The following KNL1 variants were observed in gnomAD, a reference collection of about 807,000 sequenced individuals.
KNL1 encodes outer kinetochore KNL1 complex subunit KNL1.
KNL1 carries 66 observed loss-of-function variants against 201.3 expected under a neutral mutation model. The observed-to-expected ratio is 0.33, with a 90% CI of 0.27 to 0.40. The LOEUF is 0.40. KNL1 is among the 10% of genes least tolerant of loss of function. KNL1 has a pLI of 1.00. For missense variants in KNL1, 2,815 were observed against 2,690.5 expected (o/e 1.05, Z -1.02); for synonymous variants, 895 against 899.2 (o/e 1.00, Z 0.08).
rs758847824 is a variant in KNL1, at chr15:40,624,256, A to G, written c.3992A>G (p.Asn1331Ser). ...LLCDKDEEKA[N>S]YCPVQNDLAY... Reference sequence around the variant, plus strand: ...TGTGATAAAGATGAGGAAAAAGCCAATTATTGCCCAGTGCAAAATGATCTT... The same window carrying G: ...TGTGATAAAGATGAGGAAAAAGCCAGTTATTGCCCAGTGCAAAATGATCTT... Residue 1331 changes from asparagine (N) to serine (S), a missense_variant, in exon 10 of 26, where the codon AAT becomes AGT. Coordinates refer to ENST00000399668, the MANE Select transcript of KNL1 (RefSeq NM_144508.5). 7 of 1,614,052 alleles carry G rather than the reference A, an allele frequency of 4.3e-6. No individual in the cohort carries two copies. The highest frequency in any genetic ancestry group is 5.9e-6 in the Non-Finnish European group (7 of 1,179,956).
intron 1 of KNL1, among the ~76,000 whole-genome samples, chr15:40,599,986 G>C (rs1337789892): frequency 1.3e-5 from 2 of 148,854 alleles, no homozygotes; most frequent in Non-Finnish European, 3.0e-5. Flanking sequence ...ACCCAATTTT[G>C]CATTTCTGCA....
chr15:40,625,543 A>G lies in KNL1; in HGVS notation c.5279A>G (p.Gln1760Arg), dbSNP rs751080305. ...AAAATGGGAAAAACTTGCAATAGCC[A>G]AAAAAGAACGTGGGTACAAGAAGAA... ...ENKMGKTCNS[Q>R]KRTWVQEEED... The change falls in exon 10 of 26, where the codon CAA becomes CGA. Residue 1760 changes from glutamine to arginine, a missense_variant. Gln to Arg is a conservative substitution (Grantham distance 43). Coordinates refer to ENST00000399668, the MANE Select transcript of KNL1 (RefSeq NM_144508.5). 10 of 1,607,876 alleles carry G rather than the reference A, an allele frequency of 6.2e-6. No homozygotes were observed. In the African/African-American group the frequency reaches 1.3e-4, roughly 22 times the overall value.
intron 12 of KNL1, among the ~76,000 whole-genome samples, chr15:40,629,032 C>CA (rs1166993884): frequency 4.0e-5 from 6 of 151,180 alleles, no homozygotes; most frequent in Non-Finnish European, 5.9e-5. Context: ...GGTCTTGTCT[C>CA]AAAAAAAGAG....
At chr15:40,643,515 C>T (rs11858522) in intron 14 of KNL1, among the ~76,000 whole-genome samples, 58,823 of 151,934 alleles carry the variant, frequency 0.39, 11,594 homozygotes, top group Middle Eastern at 0.47. Flanking sequence ...CGTGGTGGCA[C>T]GCGCCTGTAG....
intron 8 of KNL1, among the ~76,000 whole-genome samples, chr15:40,617,737 G>A (rs1311126727): frequency 1.3e-5 from 2 of 151,896 alleles, no homozygotes; most frequent in African/African-American, 4.8e-5. Flanking sequence ...TTTTGCAGGC[G>A]GTGGGAGATA....
intron 2 of KNL1, among the ~76,000 whole-genome samples, chr15:40,604,046 A>G (rs917642811): frequency 2.0e-5 from 3 of 151,926 alleles, no homozygotes; most frequent in Admixed American, 6.6e-5. Context: ...CTAGTCCTCA[A>G]TTTGGTCCTG....
At chr15:40,645,921 A>G in intron 16 of KNL1, 149 bp downstream of exon 16, 1 of 495,202 alleles carries the variant, frequency 2.0e-6, no homozygotes, top group Non-Finnish European at 3.5e-6. Flanking sequence ...CAATTTGTCA[A>G]AAGTGGCAAA....
chr15:40,606,356 C>A, intron 3 of KNL1, 37 bp from the exon 4 acceptor site: 1 of 1,265,282 alleles, frequency 7.9e-7, no homozygotes, highest in Non-Finnish European at 1.1e-6. Flanking sequence ...AATAGATATG[C>A]CAGATTTTTT....
chr15:40,601,131 C>A (rs1891778215), intron 1 of KNL1, among the ~76,000 whole-genome samples: 1 of 152,146 alleles, frequency 6.6e-6, no homozygotes, highest in African/African-American at 2.4e-5. Flanking sequence ...CTGAGCTCCG[C>A]CTTCTGTCGG....
chr15:40,643,981 T>C (rs1276833467), intron 14 of KNL1, among the ~76,000 whole-genome samples: 2 of 152,118 alleles, frequency 1.3e-5, no homozygotes, highest in South Asian at 2.1e-4. Context: ...TCCACACTTG[T>C]GGGTATTTCT....
intron 13 of KNL1, among the ~76,000 whole-genome samples, chr15:40,637,368 G>GTT (rs71426393): frequency 0.098 from 13,496 of 138,286 alleles, 717 homozygotes; most frequent in East Asian, 0.15. Context: ...GATTAACAGC[G>GTT]TTTTTTTTTT....
intron 16 of KNL1, among the ~76,000 whole-genome samples, chr15:40,646,083 T>C (rs1893375012): frequency 6.6e-6 from 1 of 152,234 alleles, no homozygotes; most frequent in Admixed American, 6.5e-5. Context: ...ATCTTCTTCA[T>C]AGTCCATACT....
chr15:40,658,561 C>CAAAAAAAAAAA (rs35180053), intron 24 of KNL1, among the ~76,000 whole-genome samples: 1 of 74,170 alleles, frequency 1.3e-5, no homozygotes, highest in East Asian at 4.1e-4. Context: ...GAATCTGTCT[C>CAAAAAAAAAAA]AAAAAAAAAA....
intron 17 of KNL1, 42 bp from the exon 18 acceptor site, chr15:40,650,259 T>G: frequency 1.6e-6 from 2 of 1,214,602 alleles, no homozygotes; most frequent in Non-Finnish European, 2.4e-6. Flanking sequence ...CTTTTTTTAC[T>G]ATTTTTCACT....
intron 20 of KNL1, 27 bp from the exon 21 acceptor site, chr15:40,651,978 T>C: frequency 6.4e-7 from 1 of 1,560,502 alleles, no homozygotes; most frequent in Non-Finnish European, 8.8e-7. Context: ...AAAACGCTTT[T>C]TAAAAATCTT....
chr15:40,621,873 A>T lies in KNL1; in HGVS notation c.1609A>T (p.Asn537Tyr), dbSNP rs1892544016. 1 of 1,614,096 alleles carries T rather than the reference A, an allele frequency of 6.2e-7. No individual in the cohort carries two copies. The highest frequency in any genetic ancestry group is 8.5e-7 in the Non-Finnish European group (1 of 1,179,964). The change falls in exon 10 of 26, where the codon AAC (asparagine) becomes TAC (tyrosine). Residue 537 changes from asparagine (N) to tyrosine (Y), a missense_variant. Physicochemically the swap from Asn to Tyr is moderately radical, Grantham distance 143 (BLOSUM62 -2). This residue lies in a region of KNL1 where 2,464 missense variants were observed against 2,291.7 expected (regional missense o/e 1.08). Transcript: ENST00000399668. ...SEDGKMNVNC[N>Y]SVPHVSKERI... ...AGATGGGAAAATGAATGTAAATTGT[A>T]ACTCAGTTCCTCATGTATCTAAGGA... is the stretch of plus-strand genomic sequence containing the variant.
In KNL1 at chr15:40,621,803, A is replaced by G. The variant is rs1274258754; in HGVS notation, c.1539A>G (p.Thr513=). 3.7e-6 allele frequency: 6 copies of G among 1,613,892 alleles called. No individual in the cohort carries two copies. The highest frequency in any genetic ancestry group is 5.1e-6 in the Non-Finnish European group (6 of 1,179,802). ...ATGTGCAAATAGCAGCTGCACCAAC[A>G]CCCGAAAAAGAAATGATGCTCCAAA... ...QSNVQIAAAP[T]PEKEMMLQNL... The change falls in exon 10 of 26, where the codon ACA becomes ACG. Residue 513 remains threonine, a synonymous_variant. Transcript: ENST00000399668.
At chr15:40,660,279 C>G (rs1461926722) in intron 25 of KNL1, among the ~76,000 whole-genome samples, 1 of 152,206 alleles carries the variant, frequency 6.6e-6, no homozygotes, top group East Asian at 1.9e-4. Context: ...ACCTGCTTCA[C>G]TTTTTGAATA....
intron 22 of KNL1, 69 bp downstream of exon 22, chr15:40,655,046 C>T: frequency 8.0e-7 from 1 of 1,252,032 alleles, no homozygotes; most frequent in Non-Finnish European, 1.2e-6. Context: ...GCCTTTAATC[C>T]CAGCACTTTG....
Sources: gnomAD v4.1 joint callset for allele counts (sites outside exome capture counted in the v4.1 genomes callset) on GRCh38, gnomAD v4.1.1 for gene constraint, gnomAD v4.1.1 regional missense constraint, MANE v1.5 for transcripts, NCBI Gene and HGNC (gene_info 2026-07-23, HGNC 2026-07-21) for gene names.